The following PPAT variants were observed in gnomAD, a reference collection of about 807,000 sequenced individuals.
PPAT encodes amidophosphoribosyltransferase.
A neutral mutation model predicts 60.2 loss-of-function variants in PPAT; 20 were observed. The observed-to-expected ratio is 0.33, with a 90% CI of 0.23 to 0.48. The LOEUF (loss-of-function observed/expected upper bound fraction) is 0.48, where lower values mean the gene tolerates loss of function less well. Among genes scored for constraint, PPAT ranks in the 20% least tolerant of loss-of-function variants. The probability of loss-of-function intolerance (pLI) is 0.99; values close to 1 mark genes in which losing one functional copy is unlikely to be tolerated. For missense variants in PPAT, 349 were observed against 629.6 expected, an observed-to-expected ratio of 0.55 and a Z score of 4.77; for synonymous variants, 194 against 215.1, an observed-to-expected ratio of 0.90 and a Z score of 0.86.
chr4:56,414,527 T>A (rs1385291945), intron 1 of PPAT, among the ~76,000 whole-genome samples: 1 of 152,228 alleles, frequency 6.6e-6, no homozygotes, highest in Non-Finnish European at 1.5e-5. Context: ...TTTATACAAA[T>A]GTATCGCAAG....
chr4:56,399,566 G>A, intron 8 of PPAT, 166 bp from the exon 9 acceptor site: 2 of 556,616 alleles, frequency 3.6e-6, no homozygotes, highest in East Asian at 3.0e-5. Flanking sequence ...AAATATACTT[G>A]GTGGAAAAAC....
Position 56,399,068 on chromosome 4 carries a change from AG to A in PPAT, c.1236+110del, listed in dbSNP as rs1403557923. 4.4e-6 allele frequency: 4 copies of A among 908,846 alleles called. No individual in the cohort carries two copies. The African/African-American group carries it at 6.7e-5, about 15-fold the overall frequency. The allele number at this position is 908,846 out of a possible 1,614,324, so 56.3% of individuals were successfully genotyped here. ...ATTCCTAAACCAAACTGATAAAAAAAGTTAATTTATTATATTGAACATCCAT... is the reference window on the plus strand; with the variant it reads ...ATTCCTAAACCAAACTGATAAAAAAATTAATTTATTATATTGAACATCCAT... On this transcript the variant is annotated intron_variant, in intron 9 of 10. Transcript: ENST00000264220.
In PPAT at chr4:56,407,636, A is replaced by C; in HGVS notation, c.195+14T>G. ...CTTGGTCTGTCATCAACATTTCTTAAAGTTCAAATTTACCTTGTGTGATTT... is the reference window on the plus strand; with the variant it reads ...CTTGGTCTGTCATCAACATTTCTTACAGTTCAAATTTACCTTGTGTGATTT... On this transcript the variant is annotated intron_variant, in intron 2 of 10. Transcript: ENST00000264220. The C allele has an allele frequency of 6.3e-7, 1 of 1,586,104 alleles. No individual in the cohort carries two copies. The highest frequency in any genetic ancestry group is 8.7e-7 in the Non-Finnish European group (1 of 1,154,306).
intron 1 of PPAT, among the ~76,000 whole-genome samples, chr4:56,427,794 T>G (rs775016306): frequency 6.6e-6 from 1 of 152,158 alleles, no homozygotes; most frequent in African/African-American, 2.4e-5. Context: ...CCCAAAATAA[T>G]ACTGGGTCCA....
chr4:56,430,080 G>C (rs577617094), intron 1 of PPAT, among the ~76,000 whole-genome samples: 4 of 152,054 alleles, frequency 2.6e-5, no homozygotes, highest in Non-Finnish European at 5.9e-5. Flanking sequence ...GGGCAACATA[G>C]TGAAACCCCC....
intron 6 of PPAT, 72 bp downstream of exon 6, chr4:56,402,037 A>T: frequency 8.3e-7 from 1 of 1,209,802 alleles, no homozygotes; most frequent in Non-Finnish European, 1.2e-6. Context: ...CTTTCACATA[A>T]ATAAGAAACT....
chr4:56,434,869 C>T (rs1430368555), intron 1 of PPAT, among the ~76,000 whole-genome samples: 3 of 152,244 alleles, frequency 2.0e-5, no homozygotes, highest in African/African-American at 7.2e-5. Context: ...TGCTCAATAG[C>T]TCTGCCCTTG....
intron 1 of PPAT, among the ~76,000 whole-genome samples, chr4:56,413,320 A>G (rs1199153709): frequency 6.6e-6 from 1 of 152,022 alleles, no homozygotes; most frequent in East Asian, 1.9e-4. Context: ...ATGCCCAGCT[A>G]GTTTTTGTAT....
intron 1 of PPAT, among the ~76,000 whole-genome samples, chr4:56,424,542 CAT>C (rs60526324): frequency 0.027 from 4,053 of 152,256 alleles, 198 homozygotes; most frequent in African/African-American, 0.092. Context: ...GGAGAAGAAT[CAT>C]AGACTGCTCA....
chr4:56,428,382 G>A (rs1244797227), intron 1 of PPAT, among the ~76,000 whole-genome samples: 1 of 151,956 alleles, frequency 6.6e-6, no homozygotes, highest in African/African-American at 2.4e-5. Context: ...TGCTTGAAGG[G>A]GCCACAAGAA....
Position 56,393,637 on chromosome 4 carries a change from CA to C in PPAT, c.*1714del, listed in dbSNP as rs1715884039. 1 of 152,610 alleles carries C rather than the reference CA, an allele frequency of 6.6e-6. No homozygotes were observed. The highest frequency in any genetic ancestry group is 6.5e-5 in the Admixed American group (1 of 15,276). The allele number at this position is 152,610 out of a possible 1,614,324, so 9.5% of individuals were successfully genotyped here. On this transcript the variant is annotated 3_prime_UTR_variant, in exon 11 of 11. Coordinates refer to ENST00000264220, the MANE Select transcript of PPAT (RefSeq NM_002703.5). ...AATCTGTAGAATTACTAAACTGTCA[CA>C]GTATTATTTTCCTTTACAAAAGCAT... is the stretch of plus-strand genomic sequence containing the variant.
At chr4:56,422,062 G>A (rs556942283) in intron 1 of PPAT, 1 of 152,378 alleles carries the variant, frequency 6.6e-6, no homozygotes, top group South Asian at 2.1e-4. Flanking sequence ...CTTGAGGCAG[G>A]AGTTTGAGAC....
intron 1 of PPAT, chr4:56,410,638 T>A (rs1261769971): frequency 1.1e-5 from 11 of 986,770 alleles, no homozygotes; most frequent in African/African-American, 3.5e-5. Flanking sequence ...GAATATTTAT[T>A]TACATTGCTA....
intron 9 of PPAT, among the ~76,000 whole-genome samples, chr4:56,398,397 G>A (rs1395376157): frequency 6.6e-6 from 1 of 152,066 alleles, no homozygotes; most frequent in Non-Finnish European, 1.5e-5. Flanking sequence ...AAAATAATAA[G>A]TCAAAGGTAT....
chr4:56,433,898 G>A (rs1717747599), intron 1 of PPAT, among the ~76,000 whole-genome samples: 1 of 152,088 alleles, frequency 6.6e-6, no homozygotes, highest in African/African-American at 2.4e-5. Flanking sequence ...CACCATGTTG[G>A]CCAGGATGGT....
chr4:56,414,294 T>C (rs1162385776), intron 1 of PPAT: 1 of 152,256 alleles, frequency 6.6e-6, no homozygotes, highest in Non-Finnish European at 1.5e-5. Context: ...TTTTCCACTG[T>C]TGGGATCAAC....
intron 8 of PPAT, chr4:56,400,007 T>C (rs1269363450): frequency 2.0e-5 from 3 of 152,220 alleles, no homozygotes; most frequent in African/African-American, 7.2e-5. Context: ...AAGCAAATAT[T>C]CCAGTGACTT....
At position 56,431,669 on chromosome 4, in the gene PPAT, G is replaced by A. The variant is rs558258394; in HGVS notation, c.128+3681C>T. 3.3e-4 allele frequency: 70 copies of A among 211,718 alleles called. 1 individual carries two copies. The South Asian group carries it at 0.011, about 34-fold the overall frequency. 13.1% of individuals were successfully genotyped at this position (211,718 alleles called of 1,614,324 possible). On this transcript the variant is annotated intron_variant, in intron 1 of 10. Coordinates refer to ENST00000264220, the MANE Select transcript of PPAT (RefSeq NM_002703.5). ...ATGGTTATCTCCTAATCAAGGAAAG[G>A]CTAATTAGCTGATTCATGGCATAAA...
At chr4:56,402,266 A>C (rs747022033) in intron 5 of PPAT, 85 bp from the exon 6 acceptor site, 18 of 989,180 alleles carry the variant, frequency 1.8e-5, no homozygotes, top group Non-Finnish European at 2.7e-5. Context: ...TAAATAAATA[A>C]GTAAATAAAA....
Sources: gnomAD v4.1 joint callset for allele counts (sites outside exome capture counted in the v4.1 genomes callset) on GRCh38, gnomAD v4.1.1 for gene constraint, MANE v1.5 for transcripts, NCBI Gene and HGNC (gene_info 2026-07-23, HGNC 2026-07-21) for gene names.